Variants in TMCC3 observed in about 807,000 individuals in gnomAD.
The protein encoded by TMCC3 is transmembrane and coiled-coil domain family 3.
TMCC3 carries 28 observed loss-of-function variants against 40.2 expected under a neutral mutation model. The ratio of observed to expected loss-of-function variants is 0.70; its 90% confidence interval spans 0.52 to 0.95. The LOEUF is 0.95. Among genes scored for constraint, TMCC3 ranks in the 40% least tolerant of loss-of-function variants. The probability of loss-of-function intolerance (pLI) is 0.00; values close to 1 mark genes in which losing one functional copy is unlikely to be tolerated. For missense variants in TMCC3, 554 were observed against 615.2 expected, an observed-to-expected ratio of 0.90 and a Z score of 1.05; for synonymous variants, 255 against 248.5, an observed-to-expected ratio of 1.03 and a Z score of -0.25.
rs1314756831 is a variant in TMCC3 at position 94,568,538 on chromosome 12, ATAAAT to A, written c.*2892_*2896del. 1 of 152,252 alleles carries A rather than the reference ATAAAT, an allele frequency of 6.6e-6. No individual in the cohort carries two copies. Among genetic ancestry groups the A allele is most frequent in the Non-Finnish European group, 1.5e-5 (1 of 68,040 alleles). 9.4% of individuals were successfully genotyped at this position (152,252 alleles called of 1,614,324 possible). A position where few individuals can be genotyped will look rare whatever the true frequency, so the allele number is the denominator to read the frequency against. On this transcript the variant is annotated 3_prime_UTR_variant, in exon 4 of 4. Coordinates refer to ENST00000261226, the MANE Select transcript of TMCC3 (RefSeq NM_020698.4). ...GGAAAGGATTATAGTTGACACAAACATAAATTAAATATCCAATTCCAGCATATGTT... is the reference window on the plus strand; with the variant it reads ...GGAAAGGATTATAGTTGACACAAACATAAATATCCAATTCCAGCATATGTT...
intron 2 of TMCC3, among the ~76,000 whole-genome samples, chr12:94,579,400 G>C (rs746619986): frequency 1.2e-4 from 19 of 152,136 alleles, no homozygotes; most frequent in Non-Finnish European, 1.8e-4. Flanking sequence ...CCAGCTACTC[G>C]GGAGGCTGAG....
chr12:94,585,673 G>A (rs28679825), intron 1 of TMCC3, among the ~76,000 whole-genome samples: 90 of 137,868 alleles, frequency 6.5e-4, no homozygotes, highest in African/African-American at 2.5e-3. Context: ...GTGACAGAGC[G>A]AGACACCGTC....
Position 94,594,990 on chromosome 12 carries a change from A to G in TMCC3, c.79-12452T>C, listed in dbSNP as rs149465321. On this transcript the variant is annotated intron_variant, in intron 1 of 3. Coordinates refer to ENST00000261226, the MANE Select transcript of TMCC3 (RefSeq NM_020698.4). ...CAAAAGGGAAAGTAACTTGTCTCCT[A>G]AAGTATAGCTTCCTAGATAAGTAAG... is the stretch of plus-strand genomic sequence containing the variant. Among the ~76,000 whole-genome samples the G allele has an allele frequency of 3.9e-5, 6 of 152,296 alleles. No homozygotes were observed. In the East Asian group the frequency reaches 9.6e-4, roughly 24 times the overall value.
chr12:94,607,641 AG>A (rs1252544448), intron 1 of TMCC3, among the ~76,000 whole-genome samples: 1 of 152,150 alleles, frequency 6.6e-6, no homozygotes, highest in African/African-American at 2.4e-5. Flanking sequence ...GCTGACCTCA[AG>A]TGATCTTCCC....
intron 1 of TMCC3, among the ~76,000 whole-genome samples, chr12:94,607,317 G>T (rs953202897): frequency 1.3e-5 from 2 of 152,086 alleles, no homozygotes; most frequent in African/African-American, 4.8e-5. Flanking sequence ...GTACAATAGT[G>T]GTCCTGAGGT....
chr12:94,638,073 A>G (rs993887441), intron 1 of TMCC3, among the ~76,000 whole-genome samples: 1 of 152,232 alleles, frequency 6.6e-6, no homozygotes, highest in Non-Finnish European at 1.5e-5. Flanking sequence ...GTCAGATGAG[A>G]GACTCTGGGT....
chr12:94,576,092 T>C (rs2068563124), intron 3 of TMCC3, among the ~76,000 whole-genome samples: 1 of 152,174 alleles, frequency 6.6e-6, no homozygotes, highest in Admixed American at 6.5e-5. Context: ...TGGCAACAAT[T>C]AACGTTTAAA....
chr12:94,586,767 ATGTT>A (rs1486201028), intron 1 of TMCC3, among the ~76,000 whole-genome samples: 1 of 152,210 alleles, frequency 6.6e-6, no homozygotes, highest in Non-Finnish European at 1.5e-5. Flanking sequence ...ATGCACAGGA[ATGTT>A]TATGCACAGA....
intron 1 of TMCC3, among the ~76,000 whole-genome samples, chr12:94,603,053 A>G (rs2068762099): frequency 6.6e-6 from 1 of 152,096 alleles, no homozygotes; most frequent in Admixed American, 6.6e-5. Context: ...AGACCAACTG[A>G]CACAAACTGA....
chr12:94,609,542 T>C (rs1417717711), intron 1 of TMCC3, among the ~76,000 whole-genome samples: 1 of 152,226 alleles, frequency 6.6e-6, no homozygotes, highest in Admixed American at 6.5e-5. Flanking sequence ...GAGCCTCATA[T>C]TAACAGTCTC....
At chr12:94,601,115 A>T (rs2068749715) in intron 1 of TMCC3, among the ~76,000 whole-genome samples, 1 of 151,896 alleles carries the variant, frequency 6.6e-6, no homozygotes. Flanking sequence ...ATGTAACTGT[A>T]TTTACAGCTA....
intron 1 of TMCC3, among the ~76,000 whole-genome samples, chr12:94,590,260 A>ATTTTTTTTTTTTTTTT (rs72186655): frequency 1.2e-5 from 1 of 85,358 alleles, no homozygotes; most frequent in African/African-American, 5.5e-5. Flanking sequence ...CGCCCTGCTA[A>ATTTTTTTTTTTTTTTT]TTTTTTTTTT....
At chr12:94,598,242 C>A (rs1216231996) in intron 1 of TMCC3, among the ~76,000 whole-genome samples, 1 of 152,228 alleles carries the variant, frequency 6.6e-6, no homozygotes. Flanking sequence ...CCAAGTGCAC[C>A]TGGCTCCAGG....
At chr12:94,589,240 G>A (rs1411404013) in intron 1 of TMCC3, among the ~76,000 whole-genome samples, 5 of 152,272 alleles carry the variant, frequency 3.3e-5, no homozygotes, top group African/African-American at 1.2e-4. Flanking sequence ...CAAAAGATTG[G>A]AAACCCCTGG....
chr12:94,610,773 A>C (rs1462294616), intron 1 of TMCC3, among the ~76,000 whole-genome samples: 1 of 152,232 alleles, frequency 6.6e-6, no homozygotes, highest in Non-Finnish European at 1.5e-5. Context: ...CCTACTGTGC[A>C]CGCTCATCTG....
At chr12:94,643,588 T>C (rs1327698166) in intron 1 of TMCC3, among the ~76,000 whole-genome samples, 1 of 152,234 alleles carries the variant, frequency 6.6e-6, no homozygotes, top group Non-Finnish European at 1.5e-5. Context: ...AAAATTCTCA[T>C]ATCCTAGGCA....
intron 1 of TMCC3, among the ~76,000 whole-genome samples, chr12:94,632,737 A>G (rs1472266405): frequency 6.6e-6 from 1 of 152,234 alleles, no homozygotes. Context: ...CTGTAAATAC[A>G]CTCTGGTTTT....
chr12:94,590,772 T>G (rs2068669180), intron 1 of TMCC3: 8 of 416,254 alleles, frequency 1.9e-5, no homozygotes, highest in South Asian at 1.5e-4. Flanking sequence ...GAGACTGGAG[T>G]TGCTCCTGTG....
chr12:94,603,666 A>G (rs1274537), intron 1 of TMCC3, among the ~76,000 whole-genome samples: 137,488 of 152,124 alleles, frequency 0.9, 62,517 homozygotes, highest in Middle Eastern at 0.96. Flanking sequence ...ACCAGGGAGC[A>G]CTGGGGTGCT....
Sources: gnomAD v4.1 joint callset for allele counts (sites outside exome capture counted in the v4.1 genomes callset) on GRCh38, gnomAD v4.1.1 for gene constraint, MANE v1.5 for transcripts, NCBI Gene and HGNC (gene_info 2026-07-23, HGNC 2026-07-21) for gene names.